The following TRERF1 variants were observed in gnomAD, a reference collection of about 807,000 sequenced individuals.
TRERF1 encodes transcriptional-regulating factor 1.
Under a neutral mutation model 122.9 loss-of-function variants are expected in TRERF1, and 27 were observed. The ratio of observed to expected loss-of-function variants is 0.22; its 90% confidence interval spans 0.16 to 0.30. The LOEUF is 0.30. Ranked by LOEUF, TRERF1 falls within the 10% of genes least tolerant of loss-of-function variation. The pLI, the probability that TRERF1 is intolerant of heterozygous loss-of-function variation, is 1.00. For missense variants in TRERF1, 1,248 were observed against 1,560.3 expected (o/e 0.80, Z 3.37); for synonymous variants, 636 against 641.7 (o/e 0.99, Z 0.13).
At chr6:42,360,401 C>T (rs1771487618) in intron 3 of TRERF1, among the ~76,000 whole-genome samples, 4 of 152,154 alleles carry the variant, frequency 2.6e-5, no homozygotes, top group Non-Finnish European at 5.9e-5. Context: ...ACTAGAAGGT[C>T]GTACGTTTTA....
chr6:42,417,936 C>G (rs1036884102), intron 2 of TRERF1, among the ~76,000 whole-genome samples: 1 of 152,216 alleles, frequency 6.6e-6, no homozygotes, highest in Non-Finnish European at 1.5e-5. Context: ...CACACACATA[C>G]AATTCCAGGC....
chr6:42,274,485 G>A (rs1780803304), intron 4 of TRERF1, among the ~76,000 whole-genome samples: 1 of 152,096 alleles, frequency 6.6e-6, no homozygotes, highest in African/African-American at 2.4e-5. Context: ...GACCAGTCTG[G>A]CCAACATGGC....
At chr6:42,272,136 G>A (rs182020464) in intron 4 of TRERF1, among the ~76,000 whole-genome samples, 2 of 152,346 alleles carry the variant, frequency 1.3e-5, no homozygotes, top group African/African-American at 4.8e-5. Context: ...AAAAATGTGT[G>A]TGTAAACTTA....
intron 16 of TRERF1, among the ~76,000 whole-genome samples, chr6:42,233,576 C>G (rs1390730294): frequency 6.6e-6 from 1 of 152,162 alleles, no homozygotes; most frequent in South Asian, 2.1e-4. Context: ...TGAGCCACCA[C>G]GCCTGGCCTC....
chr6:42,383,426 C>A (rs1003785487), intron 2 of TRERF1, among the ~76,000 whole-genome samples: 2 of 152,128 alleles, frequency 1.3e-5, no homozygotes, highest in South Asian at 2.1e-4. Context: ...CCCTAACACC[C>A]CCTTCCTCCT....
In TRERF1 at chr6:42,269,403, T is replaced by A. The variant is rs752075664; in HGVS notation, c.188A>T (p.Asp63Val). The A allele has an allele frequency of 6.2e-7, 1 of 1,614,146 alleles. No individual in the cohort carries two copies. Among genetic ancestry groups the A allele is most frequent in the South Asian group, 1.1e-5 (1 of 91,084 alleles). Reference sequence around the variant, plus strand: ...GGAGCCAACAGGCAAGCCCAGACCATCCCGTGTATCTTGAGGGAAGTGGGG... The same window carrying A: ...GGAGCCAACAGGCAAGCCCAGACCAACCCGTGTATCTTGAGGGAAGTGGGG... Residue 63 changes from aspartate to valine, a missense_variant, in exon 5 of 18, where the codon GAT becomes GTT. Asp to Val is a radical substitution (Grantham distance 152). Around this residue, in one of 5 missense-constraint regions of TRERF1, gnomAD observed 946 missense variants for 1,073.0 expected, o/e 0.88. Transcript: ENST00000372922. This position sits in a 1 kb window ranked among gnomAD's most constrained non-coding sequence, Gnocchi z 4.9.
intron 4 of TRERF1, among the ~76,000 whole-genome samples, chr6:42,281,502 T>C (rs1351766700): frequency 6.6e-6 from 1 of 152,182 alleles, no homozygotes; most frequent in African/African-American, 2.4e-5. Flanking sequence ...CGAGCAGTGT[T>C]TGGCCAAAGC....
chr6:42,266,697 A>C (rs1292291970), intron 5 of TRERF1, among the ~76,000 whole-genome samples: 1 of 152,204 alleles, frequency 6.6e-6, no homozygotes, highest in East Asian at 1.9e-4. Context: ...ATGTGACTGT[A>C]TGCCTTGGAA....
Position 42,263,888 on chromosome 6 carries a change from G to A in TRERF1, c.1636-320C>T, listed in dbSNP as rs1322579177. Among the ~76,000 whole-genome samples, 1 of 152,180 alleles carries A rather than the reference G, an allele frequency of 6.6e-6. No individual in the cohort carries two copies. The highest frequency in any genetic ancestry group is 1.5e-5 in the Non-Finnish European group (1 of 68,022). On this transcript the variant is annotated intron_variant, in intron 7 of 17. Transcript: ENST00000372922. This position sits in a 1 kb window ranked among gnomAD's most constrained non-coding sequence, Gnocchi z 5.6. The stretch of plus-strand genomic sequence containing the variant: ...TTGTAATCAGTCCAAAAGAAGGTAC[G>A]ATCTTGTGTAGGAGTTTTTAATTCT...
chr6:42,378,931 C>T (rs1483252986), intron 2 of TRERF1, among the ~76,000 whole-genome samples: 2 of 152,012 alleles, frequency 1.3e-5, no homozygotes, highest in Admixed American at 6.6e-5. Context: ...GCCTGGACAA[C>T]ATAGTAAGAC....
Position 42,366,368 on chromosome 6 carries a change from T to G in TRERF1, c.-453-3289A>C, listed in dbSNP as rs7749660. 7.7e-3 allele frequency among the ~76,000 whole-genome samples: 1,173 copies of G among 152,282 alleles called. 14 individuals are homozygous for G. The highest frequency in any genetic ancestry group is 0.026 in the African/African-American group (1,075 of 41,532). On this transcript the variant is annotated intron_variant, in intron 2 of 17. Coordinates refer to ENST00000372922, the Ensembl canonical transcript of TRERF1. ...GATTCCAGAAGTTTTTCAGAAAATGTAGGAGAACCAAGATGGCCAAGTGAA... is the reference window on the plus strand; with the variant it reads ...GATTCCAGAAGTTTTTCAGAAAATGGAGGAGAACCAAGATGGCCAAGTGAA...
intron 2 of TRERF1, among the ~76,000 whole-genome samples, chr6:42,447,031 C>G (rs949823021): frequency 1.3e-5 from 2 of 151,908 alleles, no homozygotes; most frequent in Admixed American, 6.6e-5. Flanking sequence ...AAACAAAACC[C>G]TCGTTCTTTG....
chr6:42,418,254 C>CTTT (rs1782187647), intron 2 of TRERF1, among the ~76,000 whole-genome samples: 1 of 8,384 alleles, frequency 1.2e-4, no homozygotes, highest in Admixed American at 2.5e-3. Flanking sequence ...GAGTTTTGCT[C>CTTT]TTTCTTTCTT....
chr6:42,333,917 G>C (rs998316558), intron 3 of TRERF1, among the ~76,000 whole-genome samples: 1 of 151,886 alleles, frequency 6.6e-6, no homozygotes, highest in Non-Finnish European at 1.5e-5. Flanking sequence ...ATGCAGCAAA[G>C]ATATTTTTTC....
chr6:42,243,575 A>G (rs113713293), intron 14 of TRERF1, among the ~76,000 whole-genome samples: 8 of 150,458 alleles, frequency 5.3e-5, no homozygotes, highest in African/African-American at 2.0e-4. Flanking sequence ...TTTGGCTACC[A>G]TTCCAGATTT....
In TRERF1 at chr6:42,433,707, G is replaced by A. The variant is rs528366443; in HGVS notation, c.-454+17470C>T. Reference sequence around the variant, plus strand: ...CCTCAGAAGGTATCCAAATATTGAAGTTGTCAGCCAGAACTTTAAAATTAC... The same window carrying A: ...CCTCAGAAGGTATCCAAATATTGAAATTGTCAGCCAGAACTTTAAAATTAC... On this transcript the variant is annotated intron_variant, in intron 2 of 17. Coordinates refer to ENST00000372922, the Ensembl canonical transcript of TRERF1. Among the ~76,000 whole-genome samples, 4 of 152,228 alleles carry A rather than the reference G, an allele frequency of 2.6e-5. No individual in the cohort carries two copies. The East Asian group carries it at 5.8e-4, about 22-fold the overall frequency.
chr6:42,374,673 C>G (rs1465966538), intron 2 of TRERF1, among the ~76,000 whole-genome samples: 1 of 152,164 alleles, frequency 6.6e-6, no homozygotes, highest in Non-Finnish European at 1.5e-5. Context: ...TCACCCCCTA[C>G]CATCTCCTCA....
intron 3 of TRERF1, among the ~76,000 whole-genome samples, chr6:42,327,424 G>A (rs1017924191): frequency 1.3e-5 from 2 of 152,142 alleles, no homozygotes; most frequent in African/African-American, 4.8e-5. Context: ...TCTGGTCTTG[G>A]AACGTTGGTT....
At chr6:42,296,700 C>T (rs750290543) in intron 4 of TRERF1, among the ~76,000 whole-genome samples, 4 of 151,834 alleles carry the variant, frequency 2.6e-5, no homozygotes, top group Non-Finnish European at 4.4e-5. Flanking sequence ...AAAAACCAAT[C>T]GCAGGAAGGA....
Sources: allele counts gnomAD v4.1 joint callset (sites outside exome capture counted in the v4.1 genomes callset), GRCh38; gene constraint gnomAD v4.1.1; regional missense constraint gnomAD v4.1.1; non-coding constraint Gnocchi (gnomAD v3.1); transcripts MANE v1.5; gene names NCBI Gene and HGNC (gene_info 2026-07-23, HGNC 2026-07-21).